The following ABTB3 variants were observed in gnomAD, a reference collection of about 807,000 sequenced individuals.
ABTB3 encodes the protein ankyrin repeat- and BTB/POZ domain-containing protein 3.
At chr12:107,406,095 T>G in the ABTB3 span, among the ~76,000 whole-genome samples, 1 of 152,240 alleles carries the variant, frequency 6.6e-6, no homozygotes, top group Admixed American at 6.5e-5. Context: ...TCACTTAACC[T>G]GCCTGGGTAT....
chr12:107,516,048 T>A, the ABTB3 span, among the ~76,000 whole-genome samples: 2 of 126,602 alleles, frequency 1.6e-5, no homozygotes, highest in Non-Finnish European at 1.7e-5. Context: ...TGTGTGTGTG[T>A]GTGTGTGCGC....
At chr12:107,476,739 C>G in the ABTB3 span, among the ~76,000 whole-genome samples, 1 of 151,378 alleles carries the variant, frequency 6.6e-6, no homozygotes, top group African/African-American at 2.4e-5. Flanking sequence ...AGTGTCTGCT[C>G]TCATCCCCCA....
chr12:107,449,917 C>T, the ABTB3 span, among the ~76,000 whole-genome samples: 1 of 152,146 alleles, frequency 6.6e-6, no homozygotes, highest in Non-Finnish European at 1.5e-5. Context: ...GCTGGAATTA[C>T]AGGCATGAGC....
At chr12:107,591,790 T>C in the ABTB3 span, among the ~76,000 whole-genome samples, 6 of 152,218 alleles carry the variant, frequency 3.9e-5, no homozygotes, top group Admixed American at 3.9e-4. Context: ...GCATTTCTCA[T>C]GTCCACCTCC....
the ABTB3 span, among the ~76,000 whole-genome samples, chr12:107,489,606 A>G: frequency 2.0e-5 from 3 of 152,184 alleles, no homozygotes; most frequent in Non-Finnish European, 2.9e-5. Flanking sequence ...AGCTATCAGA[A>G]TAGTACAGAA....
chr12:107,613,430 C>G, the ABTB3 span, among the ~76,000 whole-genome samples: 1 of 152,082 alleles, frequency 6.6e-6, no homozygotes, highest in East Asian at 1.9e-4. Context: ...GAAAGCATGT[C>G]CCCCCAGAAA....
the ABTB3 span, among the ~76,000 whole-genome samples, chr12:107,502,517 C>T: frequency 6.6e-6 from 1 of 152,152 alleles, no homozygotes; most frequent in South Asian, 2.1e-4. Flanking sequence ...TCAAAACGGC[C>T]ACAGTACATA....
chr12:107,512,532 A>G, the ABTB3 span, among the ~76,000 whole-genome samples: 1 of 152,190 alleles, frequency 6.6e-6, no homozygotes, highest in Admixed American at 6.5e-5. Flanking sequence ...AAAACATCTC[A>G]CATATGGTTA....
At chr12:107,453,954 G>A in the ABTB3 span, among the ~76,000 whole-genome samples, 4 of 152,232 alleles carry the variant, frequency 2.6e-5, no homozygotes, top group Admixed American at 1.3e-4. Context: ...GAGGATGGGG[G>A]CACTGTTTAC....
the ABTB3 span, among the ~76,000 whole-genome samples, chr12:107,520,969 A>C: frequency 6.6e-6 from 1 of 152,212 alleles, no homozygotes; most frequent in Non-Finnish European, 1.5e-5. Context: ...CACATCCATA[A>C]AGGTGTCTAC....
At chr12:107,586,022 T>C in the ABTB3 span, among the ~76,000 whole-genome samples, 1 of 152,036 alleles carries the variant, frequency 6.6e-6, no homozygotes, top group African/African-American at 2.4e-5. Context: ...AGCAGACAAA[T>C]GAGCAAGATT....
chr12:107,469,844 TC>T, the ABTB3 span, among the ~76,000 whole-genome samples: 1 of 148,786 alleles, frequency 6.7e-6, no homozygotes, highest in East Asian at 2.0e-4. Context: ...TTCCTTTCTC[TC>T]TCTTTCTCTT....
chr12:107,430,037 G>T, the ABTB3 span, among the ~76,000 whole-genome samples: 1 of 152,114 alleles, frequency 6.6e-6, no homozygotes, highest in African/African-American at 2.4e-5. Context: ...GAACCTTTCT[G>T]GTCTGTTTTC....
chr12:107,638,504 A>G, the ABTB3 span, among the ~76,000 whole-genome samples: 4 of 152,174 alleles, frequency 2.6e-5, no homozygotes, highest in African/African-American at 9.6e-5. Flanking sequence ...TTTTCAGCAC[A>G]GCCCCTGAAC....
chr12:107,493,321 A>C, the ABTB3 span, among the ~76,000 whole-genome samples: 1 of 152,120 alleles, frequency 6.6e-6, no homozygotes, highest in African/African-American at 2.4e-5. Context: ...TTGATGTGCA[A>C]TGTGGAGGTG....
At chr12:107,471,207 G>A in the ABTB3 span, among the ~76,000 whole-genome samples, 235 of 152,296 alleles carry the variant, frequency 1.5e-3, no homozygotes, top group African/African-American at 5.3e-3. Context: ...TTCTCACCAG[G>A]ACTCTATAAA....
the ABTB3 span, among the ~76,000 whole-genome samples, chr12:107,553,893 T>C: frequency 6.6e-6 from 1 of 152,054 alleles, no homozygotes; most frequent in Non-Finnish European, 1.5e-5. Context: ...TGAGCCAAGA[T>C]TGTGCCACTG....
chr12:107,570,998 G>C, the ABTB3 span, among the ~76,000 whole-genome samples: 32 of 152,308 alleles, frequency 2.1e-4, no homozygotes, highest in Non-Finnish European at 3.4e-4. Context: ...GTTTATAACT[G>C]TGTGTCCTTA....
the ABTB3 span, among the ~76,000 whole-genome samples, chr12:107,629,187 C>A: frequency 2.0e-5 from 3 of 152,148 alleles, no homozygotes; most frequent in African/African-American, 7.2e-5. Flanking sequence ...GAGGCCGAGG[C>A]AGGAGGATCT....
Sources: allele counts gnomAD v4.1 joint callset (sites outside exome capture counted in the v4.1 genomes callset), GRCh38; gene constraint gnomAD v4.1.1; transcripts MANE v1.5; gene names NCBI Gene and HGNC (gene_info 2026-07-23, HGNC 2026-07-21).